NTM: variants seen among roughly 807,000 people sequenced by gnomAD.
NTM encodes the protein neurotrimin.
NTM carries 13 observed loss-of-function variants against 42.1 expected under a neutral mutation model. The observed-to-expected ratio is 0.31, with a 90% CI of 0.20 to 0.49. The LOEUF is 0.49. Ranked by LOEUF, NTM falls within the 20% of genes least tolerant of loss-of-function variation. The pLI, the probability that NTM is intolerant of heterozygous loss-of-function variation, is 0.99. For missense variants in NTM, 373 were observed against 452.8 expected (o/e 0.82, Z 1.60); for synonymous variants, 187 against 179.2 (o/e 1.04, Z -0.35).
chr11:132,302,810 A>C (rs1434610916), intron 4 of NTM, among the ~76,000 whole-genome samples: 1 of 152,198 alleles, frequency 6.6e-6, no homozygotes, highest in Non-Finnish European at 1.5e-5. Context: ...CACTGACCAG[A>C]TGTGTGCCCA....
chr11:131,984,618 G>T (rs1322977804), intron 2 of NTM: 1 of 152,204 alleles, frequency 6.6e-6, no homozygotes. Context: ...TAGCCCATTT[G>T]CTGTGAGTGC....
At chr11:131,450,249 C>T (rs1950379782) in intron 1 of NTM, among the ~76,000 whole-genome samples, 1 of 152,186 alleles carries the variant, frequency 6.6e-6, no homozygotes, top group Non-Finnish European at 1.5e-5. Flanking sequence ...AGCTTCATTG[C>T]TATTCATCCA....
intron 1 of NTM, among the ~76,000 whole-genome samples, chr11:131,513,816 G>T (rs2048553379): frequency 6.6e-6 from 1 of 152,164 alleles, no homozygotes; most frequent in African/African-American, 2.4e-5. Flanking sequence ...TTCAGAAGGA[G>T]ATTCATAAAG....
At chr11:131,763,355 C>T (rs1282228068) in intron 1 of NTM, among the ~76,000 whole-genome samples, 1 of 152,182 alleles carries the variant, frequency 6.6e-6, no homozygotes, top group African/African-American at 2.4e-5. Context: ...GTAATATTCT[C>T]TACCCTGGCA....
chr11:132,286,524 CA>C (rs2094240576), intron 4 of NTM, among the ~76,000 whole-genome samples: 1 of 152,156 alleles, frequency 6.6e-6, no homozygotes, highest in Non-Finnish European at 1.5e-5. Flanking sequence ...CCGCCCCCCC[CA>C]CCCAAACACA....
chr11:131,934,291 T>A (rs779320730), intron 2 of NTM, among the ~76,000 whole-genome samples: 2 of 152,144 alleles, frequency 1.3e-5, no homozygotes, highest in Non-Finnish European at 2.9e-5. Flanking sequence ...GAGTAATATA[T>A]GGAGAATACA....
At chr11:131,721,390 GTTT>G (rs1555100055) in intron 1 of NTM, among the ~76,000 whole-genome samples, 1 of 152,118 alleles carries the variant, frequency 6.6e-6, no homozygotes, top group Admixed American at 6.6e-5. Context: ...CAGAGTCTCA[GTTT>G]TTTCATCTGT....
chr11:131,388,808 T>G (rs1471593213), intron 1 of NTM, among the ~76,000 whole-genome samples: 2 of 151,364 alleles, frequency 1.3e-5, no homozygotes, highest in Non-Finnish European at 2.9e-5. Flanking sequence ...GGTCAGGAGT[T>G]TGAGACCAGC....
chr11:132,102,228 AATAGAATAT>A (rs1268955975), intron 2 of NTM, among the ~76,000 whole-genome samples: 2 of 152,324 alleles, frequency 1.3e-5, no homozygotes, highest in South Asian at 2.1e-4. Flanking sequence ...CTGAGATTTT[AATAGAATAT>A]ATACATATAC....
intron 1 of NTM, among the ~76,000 whole-genome samples, chr11:131,527,300 C>T (rs1189853056): frequency 6.6e-6 from 1 of 152,180 alleles, no homozygotes; most frequent in Non-Finnish European, 1.5e-5. Context: ...TCCCCCACCC[C>T]TGGGGGCTGG....
chr11:131,507,739 G>A (rs2047676428), intron 1 of NTM, among the ~76,000 whole-genome samples: 1 of 148,274 alleles, frequency 6.7e-6, no homozygotes, highest in South Asian at 2.2e-4. Flanking sequence ...TCCTTGAGCA[G>A]TGGTTTGTAG....
intron 4 of NTM, among the ~76,000 whole-genome samples, chr11:132,268,522 G>T (rs2093320873): frequency 6.6e-6 from 1 of 152,072 alleles, no homozygotes; most frequent in Non-Finnish European, 1.5e-5. Context: ...GGAAGAAGCT[G>T]CCCATATGTT....
intron 1 of NTM, among the ~76,000 whole-genome samples, chr11:131,653,069 C>G (rs1371355874): frequency 6.6e-6 from 1 of 152,210 alleles, no homozygotes; most frequent in Non-Finnish European, 1.5e-5. Context: ...CAATTTCTCC[C>G]AGGGACTGGA....
chr11:131,973,987 A>C (rs1384185668), intron 2 of NTM, among the ~76,000 whole-genome samples: 1 of 152,164 alleles, frequency 6.6e-6, no homozygotes, highest in Non-Finnish European at 1.5e-5. Context: ...GATGGTGAGG[A>C]CGAAGACCTT....
At chr11:131,910,839 G>A in intron 1 of NTM, 1 of 984,964 alleles carries the variant, frequency 1.0e-6, no homozygotes, top group Non-Finnish European at 1.2e-6. Flanking sequence ...GCGCATTTGG[G>A]CTCCGAGGAA....
intron 1 of NTM, among the ~76,000 whole-genome samples, chr11:131,874,967 C>T (rs961613552): frequency 6.6e-6 from 1 of 152,080 alleles, no homozygotes; most frequent in East Asian, 1.9e-4. Flanking sequence ...GGCTGAGGTC[C>T]CCTTCTTGGT....
intron 1 of NTM, among the ~76,000 whole-genome samples, chr11:131,815,329 T>G (rs2092907928): frequency 6.6e-6 from 1 of 152,098 alleles, no homozygotes; most frequent in African/African-American, 2.4e-5. Flanking sequence ...CTCTCTGCCC[T>G]CTTGTATGCT....
chr11:131,893,852 T>C (rs1193443593), intron 1 of NTM, among the ~76,000 whole-genome samples: 1 of 152,138 alleles, frequency 6.6e-6, no homozygotes, highest in Non-Finnish European at 1.5e-5. Flanking sequence ...CCACCTTTCT[T>C]CATCTCTCAC....
rs183635279 is a variant in NTM at position 132,057,223 on chromosome 11, C to G, written c.168-89059C>G. Among the ~76,000 whole-genome samples the G allele has an allele frequency of 8.3e-4, 126 of 151,594 alleles. 1 individual carries two copies. Among genetic ancestry groups the G allele is most frequent in the African/African-American group, 2.6e-3 (108 of 41,384 alleles). On this transcript the variant is annotated intron_variant, in intron 2 of 8. Coordinates refer to ENST00000683400, the MANE Select transcript of NTM (RefSeq NM_001352005.2). Reference sequence around the variant, plus strand: ...AAAAAGAAAAGAAAGAGAACAGACACAATGCAGTAAATATTGTCAGAGATT... The same window carrying G: ...AAAAAGAAAAGAAAGAGAACAGACAGAATGCAGTAAATATTGTCAGAGATT...
Sources: gnomAD v4.1 joint callset for allele counts (sites outside exome capture counted in the v4.1 genomes callset) on GRCh38, gnomAD v4.1.1 for gene constraint, MANE v1.5 for transcripts, NCBI Gene and HGNC (gene_info 2026-07-23, HGNC 2026-07-21) for gene names.